C9orf85: variants seen among roughly 807,000 people sequenced by gnomAD.
The protein encoded by C9orf85 is chromosome 9 open reading frame 85.
In C9orf85, 16 loss-of-function variants were observed where a neutral mutation model predicts 14.9. The observed-to-expected ratio is 1.08, with a 90% CI of 0.73 to 1.63. C9orf85 has a LOEUF of 1.63. Ranked by LOEUF, C9orf85 falls within the 40% of genes most tolerant of loss-of-function variation. The probability of loss-of-function intolerance (pLI) is 0.00; values close to 1 mark genes in which losing one functional copy is unlikely to be tolerated. For missense variants in C9orf85, 172 were observed against 186.1 expected, an observed-to-expected ratio of 0.92 and a Z score of 0.44; for synonymous variants, 45 against 56.8, an observed-to-expected ratio of 0.79 and a Z score of 0.93.
At chr9:71,967,079 T>G (rs1822713359) in intron 2 of C9orf85, among the ~76,000 whole-genome samples, 1 of 152,214 alleles carries the variant, frequency 6.6e-6, no homozygotes, top group African/African-American at 2.4e-5. Flanking sequence ...AGGAGACATT[T>G]TTTATTCTGG....
chr9:71,936,061 C>T (rs1828183165), intron 1 of C9orf85, among the ~76,000 whole-genome samples: 5 of 151,792 alleles, frequency 3.3e-5, no homozygotes, highest in Non-Finnish European at 1.5e-5. Flanking sequence ...AAAAAGTGAC[C>T]TAAGTTTTTT....
chr9:71,925,194 T>C (rs1253713461), intron 1 of C9orf85, among the ~76,000 whole-genome samples: 1 of 152,210 alleles, frequency 6.6e-6, no homozygotes, highest in Non-Finnish European at 1.5e-5. Flanking sequence ...ATTTTTCTAA[T>C]TCAAAATGGC....
rs1213888785 is a variant in C9orf85, at chr9:71,927,284, AAG to A, written c.102+15449_102+15450del. Among the ~76,000 whole-genome samples the A allele has an allele frequency of 3.8e-3, 566 of 150,720 alleles. 1 individual carries two copies. The highest frequency in any genetic ancestry group is 0.013 in the African/African-American group (542 of 41,314). On this transcript the variant is annotated intron_variant, in intron 1 of 3. Coordinates refer to ENST00000334731, the MANE Select transcript of C9orf85 (RefSeq NM_182505.5). ...AGTTTGTCAAAAAAAAAAAAAAAAA[AAG>A]TATACATTTAGGGGTGTACTCCAGA... is the stretch of plus-strand genomic sequence containing the variant.
chr9:71,948,941 A>G (rs1589260477), intron 2 of C9orf85, among the ~76,000 whole-genome samples: 1 of 152,170 alleles, frequency 6.6e-6, no homozygotes, highest in Non-Finnish European at 1.5e-5. Context: ...TAGTGGCCCA[A>G]ATTAGCAGTA....
chr9:71,949,297 A>G (rs993177520), intron 2 of C9orf85, among the ~76,000 whole-genome samples: 6 of 152,240 alleles, frequency 3.9e-5, no homozygotes, highest in African/African-American at 1.4e-4. Flanking sequence ...ATCCATCATC[A>G]GTATTTAAAT....
chr9:71,918,554 A>C, intron 1 of C9orf85: 7 of 621,526 alleles, frequency 1.1e-5, no homozygotes. Context: ...GTTGAACTGC[A>C]GGTGAGTGAG....
intron 1 of C9orf85, among the ~76,000 whole-genome samples, chr9:71,929,434 G>A (rs1828017745): frequency 1.3e-5 from 2 of 152,072 alleles, no homozygotes; most frequent in South Asian, 4.1e-4. Flanking sequence ...CTGCTTTAGT[G>A]GTGCTTTTTG....
chr9:71,927,189 A>G (rs1159958629), intron 1 of C9orf85, among the ~76,000 whole-genome samples: 2 of 151,808 alleles, frequency 1.3e-5, no homozygotes, highest in African/African-American at 2.4e-5. Context: ...AGTATTTTGA[A>G]TTTAGAATTT....
chr9:71,957,558 T>A (rs1822412055), intron 2 of C9orf85, among the ~76,000 whole-genome samples: 1 of 152,192 alleles, frequency 6.6e-6, no homozygotes, highest in African/African-American at 2.4e-5. Flanking sequence ...GTTCCTCTCT[T>A]TAGATGAGTG....
chr9:71,928,397 T>C (rs1827982464), intron 1 of C9orf85, among the ~76,000 whole-genome samples: 1 of 152,190 alleles, frequency 6.6e-6, no homozygotes, highest in African/African-American at 2.4e-5. Context: ...TAGAATGCAC[T>C]GTGAGGAAGG....
intron 2 of C9orf85, among the ~76,000 whole-genome samples, chr9:71,955,599 C>T (rs1822362542): frequency 6.6e-6 from 1 of 152,136 alleles, no homozygotes; most frequent in Admixed American, 6.6e-5. Context: ...TTGGCTGAGA[C>T]TTGGTTACTG....
chr9:71,963,013 G>A (rs762385867), intron 2 of C9orf85, among the ~76,000 whole-genome samples: 10 of 152,128 alleles, frequency 6.6e-5, no homozygotes, highest in East Asian at 3.9e-4. Flanking sequence ...CCGAGATTGC[G>A]CCATTGCACT....
At chr9:71,972,289 C>T (rs1183287706) in intron 3 of C9orf85, among the ~76,000 whole-genome samples, 6 of 151,114 alleles carry the variant, frequency 4.0e-5, no homozygotes, top group East Asian at 2.0e-4. Flanking sequence ...GAAGGAGTTT[C>T]GCTCTTGTTG....
chr9:71,946,666 G>A (rs997875410), intron 1 of C9orf85, among the ~76,000 whole-genome samples: 7 of 152,034 alleles, frequency 4.6e-5, no homozygotes, highest in Admixed American at 2.6e-4. Flanking sequence ...GGTGGCACGC[G>A]CCTGTAATCC....
At chr9:71,950,855 T>C (rs1364205683) in intron 2 of C9orf85, among the ~76,000 whole-genome samples, 1 of 152,204 alleles carries the variant, frequency 6.6e-6, no homozygotes, top group Non-Finnish European at 1.5e-5. Context: ...ATAAGTGACA[T>C]TTCTTTTAGA....
At chr9:71,915,690 T>A (rs745539682) in intron 1 of C9orf85, among the ~76,000 whole-genome samples, 27 of 152,232 alleles carry the variant, frequency 1.8e-4, no homozygotes, top group Non-Finnish European at 3.2e-4. Flanking sequence ...TCAGATATAG[T>A]CACTGTTAAC....
intron 2 of C9orf85, among the ~76,000 whole-genome samples, chr9:71,966,921 G>A (rs1433296444): frequency 6.6e-6 from 1 of 152,230 alleles, no homozygotes; most frequent in Non-Finnish European, 1.5e-5. Flanking sequence ...TATATCTGTT[G>A]TTTACTTCAC....
chr9:71,913,082 C>T (rs1305882448), intron 1 of C9orf85, among the ~76,000 whole-genome samples: 1 of 152,070 alleles, frequency 6.6e-6, no homozygotes, highest in Non-Finnish European at 1.5e-5. Flanking sequence ...TATTTAATTT[C>T]TCTGAGCCTT....
chr9:71,921,451 C>A (rs1289474108), intron 1 of C9orf85, among the ~76,000 whole-genome samples: 2 of 152,228 alleles, frequency 1.3e-5, no homozygotes, highest in African/African-American at 2.4e-5. Context: ...GTCAGGAAAT[C>A]TTTGAATCCA....
Sources: allele counts gnomAD v4.1 joint callset (sites outside exome capture counted in the v4.1 genomes callset), GRCh38; gene constraint gnomAD v4.1.1; transcripts MANE v1.5; gene names NCBI Gene and HGNC (gene_info 2026-07-23, HGNC 2026-07-21).